The following KIF16B variants were observed in gnomAD, a reference collection of about 807,000 sequenced individuals.
KIF16B encodes the protein kinesin-like protein KIF16B.
Under a neutral mutation model 156.3 loss-of-function variants are expected in KIF16B, and 98 were observed. The observed-to-expected ratio is 0.63, with a 90% CI of 0.53 to 0.74. The LOEUF (loss-of-function observed/expected upper bound fraction) is 0.74. KIF16B is among the 30% of genes least tolerant of loss of function. KIF16B has a pLI of 0.00. For missense variants in KIF16B, 1,421 were observed against 1,606.5 expected (o/e 0.88, Z 1.97); for synonymous variants, 564 against 583.7 (o/e 0.97, Z 0.49).
Position 16,427,137 on chromosome 20 carries a change from C to G in KIF16B, c.1579G>C (p.Val527Leu). The change falls in exon 15 of 26, where the codon GTT becomes CTT. Residue 527 changes from valine (V) to leucine (L), a missense_variant. By Grantham distance (32) the Val-to-Leu change is conservative (BLOSUM62 1). Coordinates refer to ENST00000354981, the MANE Select transcript of KIF16B (RefSeq NM_024704.5). ...LSGSQCSVNGVQIVEATHLNQ... is the reference protein window; with the variant it reads ...LSGSQCSVNGLQIVEATHLNQ... Reference sequence around the variant, plus strand: ...AGATGTGTGGCCTCCACGATCTGAACACCATTCACAGAGCACTGGGACCCA... The same window carrying G: ...AGATGTGTGGCCTCCACGATCTGAAGACCATTCACAGAGCACTGGGACCCA... The G allele has an allele frequency of 6.2e-7, 1 of 1,610,882 alleles. No individual in the cohort carries two copies. Among genetic ancestry groups the G allele is most frequent in the Non-Finnish European group, 8.5e-7 (1 of 1,178,354 alleles).
intron 3 of KIF16B, among the ~76,000 whole-genome samples, chr20:16,525,082 G>A (rs1047408495): frequency 3.9e-5 from 6 of 152,092 alleles, no homozygotes; most frequent in African/African-American, 1.4e-4. Context: ...TGTAGATGTC[G>A]GGTTGATGGG....
intron 1 of KIF16B, among the ~76,000 whole-genome samples, chr20:16,558,564 T>A (rs150519250): frequency 6.6e-6 from 1 of 152,178 alleles, no homozygotes; most frequent in Non-Finnish European, 1.5e-5. Flanking sequence ...TCTGTTTACA[T>A]GGCAAAAGAT....
At chr20:16,416,170 T>C (rs1406033617) in intron 15 of KIF16B, among the ~76,000 whole-genome samples, 1 of 152,204 alleles carries the variant, frequency 6.6e-6, no homozygotes, top group East Asian at 1.9e-4. Flanking sequence ...GTCTGTTTGC[T>C]CTGATTATAT....
chr20:16,564,808 T>C (rs909271329), intron 1 of KIF16B, among the ~76,000 whole-genome samples: 7 of 152,038 alleles, frequency 4.6e-5, no homozygotes, highest in Non-Finnish European at 1.0e-4. Flanking sequence ...CACAGCCCAA[T>C]CACACTGCAC....
At chr20:16,425,333 C>A (rs895176538) in intron 15 of KIF16B, among the ~76,000 whole-genome samples, 1 of 152,014 alleles carries the variant, frequency 6.6e-6, no homozygotes, top group Non-Finnish European at 1.5e-5. Context: ...AGACCAAAAC[C>A]TAGTAAATAA....
rs2063001641 is a variant in KIF16B at position 16,272,792 on chromosome 20, A to G, written c.*461T>C. 1 of 153,108 alleles carries G rather than the reference A, an allele frequency of 6.5e-6. No homozygotes were observed. The highest frequency in any genetic ancestry group is 1.5e-5 in the Non-Finnish European group (1 of 68,422). The allele number at this position is 153,108 out of a possible 1,614,324, so 9.5% of individuals were successfully genotyped here. On this transcript the variant is annotated 3_prime_UTR_variant, in exon 26 of 26. Coordinates refer to ENST00000354981, the MANE Select transcript of KIF16B (RefSeq NM_024704.5). ...AATAATTTAAAATGCTTTTCTTGGAATATAGCCAGCCACATGGAAGAAATA... is the reference window on the plus strand; with the variant it reads ...AATAATTTAAAATGCTTTTCTTGGAGTATAGCCAGCCACATGGAAGAAATA...
At chr20:16,450,386 G>A (rs2067047764) in intron 12 of KIF16B, among the ~76,000 whole-genome samples, 1 of 152,132 alleles carries the variant, frequency 6.6e-6, no homozygotes, top group South Asian at 2.1e-4. Context: ...GTTGCCTTCA[G>A]CTTAAAGTAC....
chr20:16,283,670 C>T (rs1451332415), intron 25 of KIF16B, among the ~76,000 whole-genome samples: 3 of 152,336 alleles, frequency 2.0e-5, no homozygotes, highest in South Asian at 4.1e-4. Context: ...CAACAAATTA[C>T]CACAAACGTT....
intron 12 of KIF16B, 50 bp from the exon 13 acceptor site, chr20:16,430,032 A>T: frequency 6.5e-7 from 1 of 1,543,788 alleles, no homozygotes; most frequent in Non-Finnish European, 8.7e-7. Context: ...GGAAAAGAGA[A>T]CTTCAAATTA....
intron 12 of KIF16B, among the ~76,000 whole-genome samples, chr20:16,435,701 TTC>T (rs1200500266): frequency 1.3e-5 from 2 of 152,348 alleles, no homozygotes; most frequent in African/African-American, 4.8e-5. Context: ...TTCTTTCAGT[TTC>T]TGATTGCTTT....
chr20:16,388,098 A>T (rs1169518999), intron 17 of KIF16B, among the ~76,000 whole-genome samples: 1 of 152,214 alleles, frequency 6.6e-6, no homozygotes, highest in Non-Finnish European at 1.5e-5. Context: ...TTTAGTAAAT[A>T]ATGATACCTG....
intron 7 of KIF16B, among the ~76,000 whole-genome samples, chr20:16,507,417 C>T (rs543386104): frequency 2.6e-5 from 4 of 152,330 alleles, no homozygotes; most frequent in East Asian, 3.9e-4. Flanking sequence ...ATTCTACTGG[C>T]CTCAGTGTTC....
intron 3 of KIF16B, among the ~76,000 whole-genome samples, chr20:16,525,371 C>T (rs1080954): frequency 0.074 from 11,274 of 152,114 alleles, 799 homozygotes; most frequent in East Asian, 0.32. Context: ...CTGCGTTTTT[C>T]CTTCTATACT....
rs561588262 is a variant in KIF16B, at chr20:16,557,792, C to T, written c.47+15437G>A. 1.6e-4 allele frequency among the ~76,000 whole-genome samples: 25 copies of T among 152,212 alleles called. No homozygotes were observed. In the South Asian group the frequency reaches 3.9e-3, roughly 24 times the overall value. The stretch of plus-strand genomic sequence containing the variant: ...GTTTCCTTGTTTGGTTGTTTGTTTC[C>T]GCTAAAATCCTTGCCAATATTTGAA... On this transcript the variant is annotated intron_variant, in intron 1 of 25. Coordinates refer to ENST00000354981, the MANE Select transcript of KIF16B (RefSeq NM_024704.5).
intron 12 of KIF16B, among the ~76,000 whole-genome samples, chr20:16,451,047 A>G (rs1600430765): frequency 6.6e-6 from 1 of 152,220 alleles, no homozygotes; most frequent in Non-Finnish European, 1.5e-5. Context: ...TCTCAGTATC[A>G]GTGTTTCTTC....
chr20:16,321,336 GTTAAA>G (rs1266732094), intron 24 of KIF16B, among the ~76,000 whole-genome samples: 1 of 151,988 alleles, frequency 6.6e-6, no homozygotes, highest in Non-Finnish European at 1.5e-5. Context: ...TAATGGAAGA[GTTAAA>G]TTAACACCAT....
chr20:16,296,454 A>C (rs1033894907), intron 25 of KIF16B, among the ~76,000 whole-genome samples: 46 of 152,182 alleles, frequency 3.0e-4, no homozygotes, highest in African/African-American at 1.1e-3. Flanking sequence ...TCTACACTGA[A>C]CTCCAAATAA....
chr20:16,367,951 G>C, intron 22 of KIF16B: 1 of 1,443,730 alleles, frequency 6.9e-7, no homozygotes, highest in Admixed American at 2.8e-5. Context: ...GAGAGGTAGA[G>C]CATGAAAAAT....
chr20:16,444,988 G>A (rs1238973644), intron 12 of KIF16B, among the ~76,000 whole-genome samples: 2 of 152,164 alleles, frequency 1.3e-5, no homozygotes, highest in South Asian at 2.1e-4. Context: ...TCAGCATAGT[G>A]TTAGTTATCA....
Sources: allele counts gnomAD v4.1 joint callset (sites outside exome capture counted in the v4.1 genomes callset), GRCh38; gene constraint gnomAD v4.1.1; transcripts MANE v1.5; gene names NCBI Gene and HGNC (gene_info 2026-07-23, HGNC 2026-07-21).